TC2N: variants seen among roughly 807,000 people sequenced by gnomAD.
TC2N encodes the protein tandem C2 domains, nuclear.
In TC2N, 51 loss-of-function variants were observed where a neutral mutation model predicts 61.9. The ratio of observed to expected loss-of-function variants is 0.82; its 90% CI spans 0.66 to 1.04. The LOEUF (loss-of-function observed/expected upper bound fraction) is 1.04, where lower values mean the gene tolerates loss of function less well. Among genes scored for constraint, TC2N ranks in the 50% least tolerant of loss-of-function variants. The pLI is 0.00. For missense variants in TC2N, 556 were observed against 566.7 expected (o/e 0.98, Z 0.19); for synonymous variants, 204 against 192.6 (o/e 1.06, Z -0.49).
intron 9 of TC2N, among the ~76,000 whole-genome samples, chr14:91,792,154 G>A (rs943647172): frequency 5.3e-5 from 8 of 151,898 alleles, no homozygotes; most frequent in Non-Finnish European, 1.2e-4. Flanking sequence ...GCTAGGAGAA[G>A]GTAACCCTGA....
intron 1 of TC2N, among the ~76,000 whole-genome samples, chr14:91,848,467 C>G (rs1888311510): frequency 6.6e-6 from 1 of 152,198 alleles, no homozygotes; most frequent in African/African-American, 2.4e-5. Flanking sequence ...TGTTACCTGT[C>G]TTACCTTCAT....
rs1251878692 is a variant in TC2N, at chr14:91,812,423, A to C, written c.190T>G (p.Ser64Ala). The change falls in exon 3 of 12, where the codon TCC becomes GCC. Residue 64 changes from serine to alanine, a missense_variant. Ser to Ala is a moderately conservative substitution (Grantham distance 99). Coordinates refer to ENST00000435962, the MANE Select transcript of TC2N (RefSeq NM_001128596.3). The part of the protein sequence containing the change: ...QLGCTEDYLL[S>A]KLPSDGKEVP... ...TCTTTGCCATCAGATGGTAATTTGG[A>C]AAGCAAATAATCCTCAGTACAGCCA... is the stretch of plus-strand genomic sequence containing the variant. 1.1e-5 allele frequency: 17 copies of C among 1,612,516 alleles called. No homozygotes were observed. The highest frequency in any genetic ancestry group is 1.4e-5 in the Non-Finnish European group (16 of 1,179,014).
intron 1 of TC2N, among the ~76,000 whole-genome samples, chr14:91,822,306 C>T (rs987762028): frequency 1.3e-5 from 2 of 152,132 alleles, no homozygotes; most frequent in Non-Finnish European, 2.9e-5. Context: ...TGGAACACTA[C>T]TCAGAAATAA....
intron 9 of TC2N, among the ~76,000 whole-genome samples, chr14:91,788,839 G>A (rs1885490587): frequency 6.6e-6 from 1 of 152,126 alleles, no homozygotes; most frequent in Non-Finnish European, 1.5e-5. Context: ...CTAAATTGAT[G>A]ATAAAACTTG....
At chr14:91,815,648 G>T (rs1886974036) in intron 1 of TC2N, among the ~76,000 whole-genome samples, 1 of 151,528 alleles carries the variant, frequency 6.6e-6, no homozygotes, top group South Asian at 2.1e-4. Flanking sequence ...TAATCACTCA[G>T]ATTAAAATAA....
At chr14:91,822,076 T>C (rs1244316788) in intron 1 of TC2N, among the ~76,000 whole-genome samples, 3 of 152,188 alleles carry the variant, frequency 2.0e-5, no homozygotes, top group Non-Finnish European at 4.4e-5. Flanking sequence ...ATGACCACTT[T>C]AGAAAACAGT....
intron 1 of TC2N, among the ~76,000 whole-genome samples, chr14:91,859,354 A>G (rs984658585): frequency 2.0e-5 from 3 of 151,974 alleles, no homozygotes; most frequent in Non-Finnish European, 4.4e-5. Flanking sequence ...CCCTCTACCA[A>G]AACTCCTCCT....
At chr14:91,865,871 G>T (rs952933878) in intron 1 of TC2N, among the ~76,000 whole-genome samples, 2 of 151,940 alleles carry the variant, frequency 1.3e-5, no homozygotes, top group Non-Finnish European at 2.9e-5. Flanking sequence ...CTGGCTAAAG[G>T]TGTTATTAAA....
chr14:91,783,248 CAAT>C (rs776175717), intron 11 of TC2N, 38 bp from the exon 12 acceptor site: 27 of 1,167,066 alleles, frequency 2.3e-5, no homozygotes, highest in African/African-American at 4.6e-5. Context: ...TAACTTGACA[CAAT>C]AATAATAACT....
At chr14:91,861,768 C>T (rs550494542) in intron 1 of TC2N, among the ~76,000 whole-genome samples, 2 of 152,102 alleles carry the variant, frequency 1.3e-5, no homozygotes, top group Admixed American at 6.6e-5. Context: ...ACTAGCCAGG[C>T]CTGATGGCGG....
chr14:91,797,110 A>G (rs1198423695), intron 8 of TC2N, among the ~76,000 whole-genome samples: 1 of 152,104 alleles, frequency 6.6e-6, no homozygotes, highest in Non-Finnish European at 1.5e-5. Flanking sequence ...GAATACCTGT[A>G]AAAGTTTTCC....
intron 1 of TC2N, among the ~76,000 whole-genome samples, chr14:91,835,872 C>T (rs1887974902): frequency 6.6e-6 from 1 of 152,202 alleles, no homozygotes; most frequent in Admixed American, 6.5e-5. Context: ...CCGTCGGAAG[C>T]CCGAGCACGG....
At chr14:91,826,471 G>A (rs941011207) in intron 1 of TC2N, among the ~76,000 whole-genome samples, 3 of 151,662 alleles carry the variant, frequency 2.0e-5, no homozygotes, top group African/African-American at 7.3e-5. Flanking sequence ...TATCAGATTT[G>A]TTTCATATAT....
intron 3 of TC2N, among the ~76,000 whole-genome samples, chr14:91,807,704 T>A (rs931631883): frequency 2.0e-4 from 30 of 152,212 alleles, no homozygotes; most frequent in African/African-American, 7.2e-4. Context: ...TTGTCTCAGA[T>A]GAGACTTTGA....
chr14:91,787,748 A>G lies in TC2N; in HGVS notation c.1048-121T>C, dbSNP rs1885436986. 5.0e-6 allele frequency: 3 copies of G among 602,470 alleles called. No homozygotes were observed. The South Asian group carries it at 6.8e-5, about 14-fold the overall frequency. 37.3% of individuals were successfully genotyped at this position (602,470 alleles called of 1,614,324 possible). A position where few individuals can be genotyped will look rare whatever the true frequency, so the allele number is the denominator to read the frequency against. ...AAGTATTCCTTTCAAATGATATTCA[A>G]AACTATAAGTTACAAGACAAAGTTA... On this transcript the variant is annotated intron_variant, in intron 9 of 11. Transcript: ENST00000435962.
At chr14:91,853,711 T>C (rs1888423708) in intron 1 of TC2N, among the ~76,000 whole-genome samples, 1 of 151,350 alleles carries the variant, frequency 6.6e-6, no homozygotes, top group Non-Finnish European at 1.5e-5. Context: ...AAAAAAGTTA[T>C]TGAAGTGCTG....
At chr14:91,783,823 T>C (rs867227352) in intron 11 of TC2N, among the ~76,000 whole-genome samples, 1 of 152,236 alleles carries the variant, frequency 6.6e-6, no homozygotes, top group Middle Eastern at 3.4e-3. Context: ...AAAACTTGAA[T>C]TTTCATCTTA....
intron 3 of TC2N, among the ~76,000 whole-genome samples, chr14:91,807,998 G>C (rs1595242135): frequency 6.6e-6 from 1 of 152,102 alleles, no homozygotes; most frequent in Non-Finnish European, 1.5e-5. Flanking sequence ...GGTTTTATAA[G>C]GGGTTTCCCC....
intron 1 of TC2N, among the ~76,000 whole-genome samples, chr14:91,854,731 G>A (rs987679482): frequency 6.6e-6 from 1 of 152,134 alleles, no homozygotes; most frequent in Non-Finnish European, 1.5e-5. Context: ...TATCAGTCTA[G>A]ACTAACTGAC....
Sources: gnomAD v4.1 joint callset for allele counts (sites outside exome capture counted in the v4.1 genomes callset) on GRCh38, gnomAD v4.1.1 for gene constraint, MANE v1.5 for transcripts, NCBI Gene and HGNC (gene_info 2026-07-23, HGNC 2026-07-21) for gene names.